Variants in PCDHGA3 observed in about 807,000 individuals in gnomAD.
The protein encoded by PCDHGA3 is protocadherin gamma subfamily A, 3, also known as protocadherin gamma-A3.
A neutral mutation model predicts 58.5 loss-of-function variants in PCDHGA3; 40 were observed. The ratio of observed to expected loss-of-function variants is 0.68; its 90% CI spans 0.53 to 0.89. PCDHGA3 has a LOEUF of 0.89. Among genes scored for constraint, PCDHGA3 ranks in the 40% least tolerant of loss-of-function variants. The probability of loss-of-function intolerance (pLI) is 0.00; values close to 1 mark genes in which losing one functional copy is unlikely to be tolerated. For synonymous variants in PCDHGA3, 530 were observed against 525.7 expected (o/e 1.01, Z -0.11); for missense variants, 1,223 against 1,195.9 (o/e 1.02, Z -0.33).
rs779065098 is a variant in PCDHGA3 at position 141,491,758 on chromosome 5, C to T, written c.2425-3049C>T. 1.8e-5 allele frequency: 29 copies of T among 1,578,670 alleles called. No homozygotes were observed. Among genetic ancestry groups the T allele is most frequent in the Non-Finnish European group, 2.2e-5 (26 of 1,163,530 alleles). ...TGGGGGCGGCACTGGAGAAGCCGCC[C>T]GTCCTCATAAGGGATTGAACTTGCA... On this transcript the variant is annotated intron_variant, in intron 1 of 3. Transcript: ENST00000253812. The surrounding 1 kb of genome is among the most constrained non-coding windows in gnomAD (Gnocchi z 6.9).
At chr5:141,383,556 C>T (rs1365311931) in intron 1 of PCDHGA3, 1 of 1,612,766 alleles carries the variant, frequency 6.2e-7, no homozygotes, top group Non-Finnish European at 8.5e-7. Context: ...ATGGCGGCGA[C>T]CCGCCCCGAT....
At chr5:141,418,604 G>A in intron 1 of PCDHGA3, 2 of 1,614,040 alleles carry the variant, frequency 1.2e-6, no homozygotes, top group Non-Finnish European at 1.7e-6. Context: ...CGTGTACAGG[G>A]TTAGCCTTCG....
intron 1 of PCDHGA3, chr5:141,374,690 G>A (rs758543198): frequency 6.2e-7 from 1 of 1,609,720 alleles, no homozygotes; most frequent in Non-Finnish European, 8.5e-7. Flanking sequence ...ACTGGACCGG[G>A]AAGGAGAAGC....
At chr5:141,376,313 G>A in intron 1 of PCDHGA3, 1 of 1,614,230 alleles carries the variant, frequency 6.2e-7, no homozygotes, top group Non-Finnish European at 8.5e-7. Flanking sequence ...TGTGGGCGTG[G>A]AAGGGGTTCG....
intron 1 of PCDHGA3, chr5:141,404,669 A>G: frequency 1.9e-6 from 3 of 1,614,100 alleles, no homozygotes; most frequent in Non-Finnish European, 2.5e-6. Context: ...TGATGGTTCT[A>G]CTGGTGTGGA....
intron 1 of PCDHGA3, chr5:141,356,448 A>G: frequency 6.2e-7 from 1 of 1,612,888 alleles, no homozygotes; most frequent in Non-Finnish European, 8.5e-7. Context: ...AAGAAGTCTC[A>G]GAATATAACA....
intron 1 of PCDHGA3, chr5:141,393,536 T>G: frequency 6.2e-7 from 1 of 1,613,934 alleles, no homozygotes; most frequent in South Asian, 1.1e-5. Flanking sequence ...ATGCCCCGGT[T>G]TTTCCTCACC....
chr5:141,387,321 T>G (rs2090906935), intron 1 of PCDHGA3, among the ~76,000 whole-genome samples: 1 of 152,226 alleles, frequency 6.6e-6, no homozygotes, highest in African/African-American at 2.4e-5. Context: ...TGAGTAAGTA[T>G]GGAAAATTAC....
chr5:141,448,338 T>A (rs1053822287), intron 1 of PCDHGA3, among the ~76,000 whole-genome samples: 1 of 152,192 alleles, frequency 6.6e-6, no homozygotes, highest in African/African-American at 2.4e-5. Context: ...TATAGCCATG[T>A]ACCTCAATCT....
At chr5:141,440,093 GA>G (rs2098151022) in intron 1 of PCDHGA3, 1 of 152,302 alleles carries the variant, frequency 6.6e-6, no homozygotes, top group Non-Finnish European at 1.5e-5. Context: ...TCTAAGTGGG[GA>G]AAGTGGAGAC....
chr5:141,410,502 T>C, intron 1 of PCDHGA3: 2 of 1,614,018 alleles, frequency 1.2e-6, no homozygotes, highest in Non-Finnish European at 1.7e-6. Context: ...TTTAATTTCC[T>C]AAAATGCAGT....
Position 141,498,864 on chromosome 5 carries a change from C to T in PCDHGA3, c.2483+3999C>T, listed in dbSNP as rs1370263013. Among the ~76,000 whole-genome samples the T allele has an allele frequency of 2.7e-5, 4 of 149,532 alleles. No homozygotes were observed. The East Asian group carries it at 5.9e-4, about 22-fold the overall frequency. ...AGGGGAATCGCTTGAACCCAGGAGG[C>T]GGAGGTTGCAGTGAGCTGAGATCAC... On this transcript the variant is annotated intron_variant, in intron 2 of 3. Coordinates refer to ENST00000253812, the MANE Select transcript of PCDHGA3 (RefSeq NM_018916.4).
chr5:141,485,174 A>G lies in PCDHGA3; in HGVS notation c.2425-9633A>G. 6.2e-7 allele frequency: 1 copy of G among 1,611,406 alleles called. No individual in the cohort carries two copies. The highest frequency in any genetic ancestry group is 8.5e-7 in the Non-Finnish European group (1 of 1,177,898). ...AGTAGAGAATTAGCGGGCGGCAGCA[A>G]TGCTCCGCAAGGTGAGAAGCTGGAC... On this transcript the variant is annotated intron_variant, in intron 1 of 3. Coordinates refer to ENST00000253812, the MANE Select transcript of PCDHGA3 (RefSeq NM_018916.4). The surrounding 1 kb of genome is among the most constrained non-coding windows in gnomAD (Gnocchi z 5.7).
intron 1 of PCDHGA3, chr5:141,405,074 G>T (rs536930748): frequency 2.5e-6 from 4 of 1,613,794 alleles, no homozygotes; most frequent in Non-Finnish European, 3.4e-6. Context: ...CCTCACCTTC[G>T]TTATCACGCT....
intron 1 of PCDHGA3, chr5:141,395,576 G>A: frequency 4.2e-6 from 1 of 237,360 alleles, no homozygotes; most frequent in Non-Finnish European, 8.1e-6. Flanking sequence ...GTGTGTGTGT[G>A]TGTGTGTGTG....
chr5:141,485,226 T>C lies in PCDHGA3; in HGVS notation c.2425-9581T>C. ...GAAATCTGGCGGTGGGCTACCCTTT[T>C]GTTCCTCTTTTACCACCTGGGTTAC... On this transcript the variant is annotated intron_variant, in intron 1 of 3. Transcript: ENST00000253812. The surrounding 1 kb of genome is among the most constrained non-coding windows in gnomAD (Gnocchi z 5.7). 1.9e-6 allele frequency: 3 copies of C among 1,614,170 alleles called. No homozygotes were observed. Among genetic ancestry groups the C allele is most frequent in the Non-Finnish European group, 2.5e-6 (3 of 1,180,026 alleles).
Position 141,491,906 on chromosome 5 carries a change from T to A in PCDHGA3, c.2425-2901T>A, listed in dbSNP as rs1490050332. On this transcript the variant is annotated intron_variant, in intron 1 of 3. Transcript: ENST00000253812. The surrounding 1 kb of genome is among the most constrained non-coding windows in gnomAD (Gnocchi z 6.9). ...ATGGGGCTCCGAGCACCGGGGGTGG[T>A]GGCGACTGTGGGCGAGGGGAGGTGG... is the stretch of plus-strand genomic sequence containing the variant. 7.1e-7 allele frequency: 1 copy of A among 1,414,468 alleles called. No individual in the cohort carries two copies. Among genetic ancestry groups the A allele is most frequent in the African/African-American group, 1.4e-5 (1 of 69,002 alleles). 87.6% of individuals were successfully genotyped at this position (1,414,468 alleles called of 1,614,324 possible).
At chr5:141,453,351 C>A (rs1210851703) in intron 1 of PCDHGA3, among the ~76,000 whole-genome samples, 2 of 151,738 alleles carry the variant, frequency 1.3e-5, no homozygotes, top group Non-Finnish European at 2.9e-5. Flanking sequence ...CCAGGCTGAC[C>A]CTGAACTCCT....
At chr5:141,496,888 T>TAA (rs35063790) in intron 2 of PCDHGA3, among the ~76,000 whole-genome samples, 141 of 134,106 alleles carry the variant, frequency 1.1e-3, no homozygotes, top group East Asian at 2.4e-3. Context: ...AAGTAACACT[T>TAA]AAAAAAAAAA....
Sources: gnomAD v4.1 joint callset for allele counts (sites outside exome capture counted in the v4.1 genomes callset) on GRCh38, gnomAD v4.1.1 for gene constraint, Gnocchi (gnomAD v3.1) non-coding constraint, MANE v1.5 for transcripts, NCBI Gene and HGNC (gene_info 2026-07-23, HGNC 2026-07-21) for gene names.